The following ZNF536 variants were observed in gnomAD, a reference collection of about 807,000 sequenced individuals.
The protein encoded by ZNF536 is zinc finger protein 536.
A neutral mutation model predicts 84.5 loss-of-function variants in ZNF536; 13 were observed. The observed-to-expected ratio is 0.15, with a 90% CI of 0.10 to 0.24. ZNF536 has a LOEUF of 0.24. Among genes scored for constraint, ZNF536 ranks in the 10% least tolerant of loss-of-function variants. The pLI, the probability that ZNF536 is intolerant of heterozygous loss-of-function variation, is 1.00. For missense variants in ZNF536, 1,536 were observed against 1,747.5 expected, an observed-to-expected ratio of 0.88 and a Z score of 2.16; for synonymous variants, 811 against 742.5, an observed-to-expected ratio of 1.09 and a Z score of -1.50.
intron 1 of ZNF536, among the ~76,000 whole-genome samples, chr19:30,399,025 T>A (rs1465949838): frequency 6.6e-6 from 1 of 152,186 alleles, no homozygotes; most frequent in Non-Finnish European, 1.5e-5. Context: ...TAATTTACAC[T>A]CCCACCAACA....
At chr19:30,486,316 C>T (rs1302317727) in intron 2 of ZNF536, among the ~76,000 whole-genome samples, 5 of 152,146 alleles carry the variant, frequency 3.3e-5, no homozygotes, top group Admixed American at 6.6e-5. Flanking sequence ...GTGTTCTTAT[C>T]GTTCAGCTCC....
intron 1 of ZNF536, among the ~76,000 whole-genome samples, chr19:30,630,028 G>C (rs1045782076): frequency 1.2e-4 from 18 of 152,224 alleles, no homozygotes; most frequent in Admixed American, 2.0e-4. Context: ...CTGACTTTGA[G>C]AAAGTGTGAA....
chr19:30,638,062 T>C (rs1320907739), intron 1 of ZNF536, among the ~76,000 whole-genome samples: 1 of 152,100 alleles, frequency 6.6e-6, no homozygotes, highest in Non-Finnish European at 1.5e-5. Flanking sequence ...CTTTCCTGAA[T>C]GTTCCAGTCT....
At position 30,705,275 on chromosome 19, in the gene ZNF536, C is replaced by T. The variant is rs79234022; in HGVS notation, c.170-5482C>T. On this transcript the variant is annotated intron_variant, in intron 1 of 1. Transcript: ENST00000592773. ...TCATAGAACTTTCTTCCACATCAGT[C>T]TCATGGGAGCCTTTCAGCAAACAAC... Among the ~76,000 whole-genome samples, 1,411 of 152,060 alleles carry T rather than the reference C, an allele frequency of 9.3e-3. 7 individuals carry two copies. The highest frequency in any genetic ancestry group is 0.016 in the Non-Finnish European group (1,098 of 68,000).
chr19:30,359,488 C>T (rs1250733208), intron 3 of ZNF536, among the ~76,000 whole-genome samples: 4 of 152,184 alleles, frequency 2.6e-5, no homozygotes, highest in Admixed American at 1.3e-4. Context: ...GGGGTAAGGC[C>T]GTTGCTCAGA....
intron 1 of ZNF536, among the ~76,000 whole-genome samples, chr19:30,710,425 A>C (rs1600357692): frequency 6.6e-6 from 1 of 152,322 alleles, no homozygotes; most frequent in East Asian, 1.9e-4. Flanking sequence ...CTGTAGTCCC[A>C]GCTACTCTGG....
chr19:30,642,926 T>A (rs2147354306), intron 1 of ZNF536, among the ~76,000 whole-genome samples: 1 of 152,310 alleles, frequency 6.6e-6, no homozygotes, highest in South Asian at 2.1e-4. Context: ...TGTCTAACAA[T>A]GGCCTCAGCA....
At chr19:30,674,582 C>T (rs2050685240) in intron 1 of ZNF536, among the ~76,000 whole-genome samples, 5 of 152,100 alleles carry the variant, frequency 3.3e-5, no homozygotes. Context: ...TTTTGGGGAG[C>T]TCTGGGACCT....
At chr19:30,681,462 G>A (rs555854245) in intron 1 of ZNF536, among the ~76,000 whole-genome samples, 72 of 152,192 alleles carry the variant, frequency 4.7e-4, no homozygotes, top group African/African-American at 1.7e-3. Flanking sequence ...AGGAAATAGG[G>A]GCGTGCCCAG....
At chr19:30,244,456 A>G (rs1445098950) in intron 1 of ZNF536, among the ~76,000 whole-genome samples, 3 of 152,230 alleles carry the variant, frequency 2.0e-5, no homozygotes, top group African/African-American at 7.2e-5. Context: ...CATACAGTGC[A>G]TATTATTGAT....
chr19:30,649,518 A>G (rs2049615139), intron 1 of ZNF536, among the ~76,000 whole-genome samples: 1 of 150,340 alleles, frequency 6.7e-6, no homozygotes. Context: ...AAAATTATTC[A>G]TCACTTGATA....
chr19:30,297,244 C>T (rs532049115), intron 2 of ZNF536, among the ~76,000 whole-genome samples: 97 of 152,264 alleles, frequency 6.4e-4, no homozygotes, highest in Non-Finnish European at 1.0e-3. Flanking sequence ...TACCAGGCAC[C>T]TTTTTCCTGA....
chr19:30,659,953 G>A (rs540236486), intron 1 of ZNF536, among the ~76,000 whole-genome samples: 2 of 115,462 alleles, frequency 1.7e-5, no homozygotes, highest in East Asian at 2.4e-4. Context: ...TGACACAAGG[G>A]TGTGTGTGTG....
intron 2 of ZNF536, among the ~76,000 whole-genome samples, chr19:30,493,268 G>A (rs1448230874): frequency 2.0e-5 from 3 of 151,674 alleles, no homozygotes; most frequent in African/African-American, 7.3e-5. Context: ...ATATTTATTG[G>A]CAACTTTAGC....
At chr19:30,338,426 TTTG>T (rs2047455321) in intron 2 of ZNF536, among the ~76,000 whole-genome samples, 2 of 151,458 alleles carry the variant, frequency 1.3e-5, no homozygotes, top group Non-Finnish European at 2.9e-5. Flanking sequence ...ATGAAGATGA[TTTG>T]ATGATGATGG....
intron 3 of ZNF536, among the ~76,000 whole-genome samples, chr19:30,353,817 T>C (rs2048011007): frequency 6.6e-6 from 1 of 152,180 alleles, no homozygotes; most frequent in Non-Finnish European, 1.5e-5. Context: ...CCTTACAATA[T>C]TTAGCTGCTA....
intron 1 of ZNF536, among the ~76,000 whole-genome samples, chr19:30,407,450 C>T (rs1409620268): frequency 3.3e-5 from 5 of 152,104 alleles, no homozygotes; most frequent in Non-Finnish European, 7.4e-5. Flanking sequence ...GCTGGGTGTC[C>T]CCCAATTCAA....
intron 2 of ZNF536, among the ~76,000 whole-genome samples, chr19:30,346,866 A>G (rs2047761004): frequency 6.6e-6 from 1 of 152,194 alleles, no homozygotes; most frequent in African/African-American, 2.4e-5. Flanking sequence ...TATACCCAGT[A>G]ATGGGATTGC....
At chr19:30,233,957 T>G (rs2023276826) in intron 1 of ZNF536, among the ~76,000 whole-genome samples, 1 of 152,110 alleles carries the variant, frequency 6.6e-6, no homozygotes, top group Admixed American at 6.5e-5. Flanking sequence ...ACACCAGGCT[T>G]GGGGGCTGGT....
Sources: gnomAD v4.1 joint callset for allele counts (sites outside exome capture counted in the v4.1 genomes callset) on GRCh38, gnomAD v4.1.1 for gene constraint, MANE v1.5 for transcripts, NCBI Gene and HGNC (gene_info 2026-07-23, HGNC 2026-07-21) for gene names.